The following IMMP2L variants were observed in gnomAD, a reference collection of about 807,000 sequenced individuals.
IMMP2L encodes the protein mitochondrial inner membrane protease subunit 2.
Under a neutral mutation model 19.3 loss-of-function variants are expected in IMMP2L, and 18 were observed. The observed-to-expected ratio is 0.93, with a 90% confidence interval of 0.64 to 1.38. The LOEUF (loss-of-function observed/expected upper bound fraction) is 1.38. Ranked by LOEUF, IMMP2L falls within the 40% of genes most tolerant of loss-of-function variation. The pLI is 0.00. For missense variants in IMMP2L, 233 were observed against 218.2 expected (o/e 1.07, Z -0.43); for synonymous variants, 76 against 73.0 (o/e 1.04, Z -0.21).
At chr7:110,741,302 A>C (rs1796974887) in intron 5 of IMMP2L, among the ~76,000 whole-genome samples, 1 of 152,246 alleles carries the variant, frequency 6.6e-6, no homozygotes, top group Non-Finnish European at 1.5e-5. Flanking sequence ...TGAAATAAAA[A>C]ATAATAAAAT....
chr7:110,800,291 T>C (rs914108114), intron 5 of IMMP2L, among the ~76,000 whole-genome samples: 1 of 151,904 alleles, frequency 6.6e-6, no homozygotes, highest in South Asian at 2.1e-4. Flanking sequence ...TGAGAATGAA[T>C]GACAATACAG....
At chr7:110,835,440 T>C (rs2131406375) in intron 5 of IMMP2L, among the ~76,000 whole-genome samples, 1 of 152,268 alleles carries the variant, frequency 6.6e-6, no homozygotes, top group East Asian at 1.9e-4. Flanking sequence ...CTTGGAAAGC[T>C]GCCAAGAAGG....
intron 3 of IMMP2L, among the ~76,000 whole-genome samples, chr7:111,447,704 A>C (rs894449708): frequency 6.6e-6 from 1 of 151,810 alleles, no homozygotes; most frequent in Non-Finnish European, 1.5e-5. Context: ...TTCACACATA[A>C]CAATATTAAC....
At chr7:111,156,385 T>A (rs549209112) in intron 3 of IMMP2L, among the ~76,000 whole-genome samples, 1 of 152,170 alleles carries the variant, frequency 6.6e-6, no homozygotes, top group Non-Finnish European at 1.5e-5. Context: ...TACTTTACTT[T>A]CTAAATATTA....
chr7:111,443,779 G>C (rs1008467755), intron 3 of IMMP2L, among the ~76,000 whole-genome samples: 3 of 152,064 alleles, frequency 2.0e-5, no homozygotes, highest in South Asian at 2.1e-4. Flanking sequence ...GGATCACTAA[G>C]TATCTTTAAA....
chr7:110,937,962 T>C (rs1365009811), intron 4 of IMMP2L, among the ~76,000 whole-genome samples: 1 of 152,286 alleles, frequency 6.6e-6, no homozygotes, highest in African/African-American at 2.4e-5. Flanking sequence ...TCATATGAAG[T>C]GGCCTCTGTT....
In IMMP2L at chr7:110,757,127, G is replaced by A. The variant is rs533986203; in HGVS notation, c.409-93406C>T. Among the ~76,000 whole-genome samples the A allele has an allele frequency of 6.6e-6, 1 of 152,096 alleles. No homozygotes were observed. Among genetic ancestry groups the A allele is most frequent in the African/African-American group, 2.4e-5 (1 of 41,516 alleles). ...ATAAGTTAAATGATATAGCATGTTA[G>A]TTAGATTGAAATACGCGTAATGGAG... On this transcript the variant is annotated intron_variant, in intron 5 of 5. Coordinates refer to ENST00000405709, the MANE Select transcript of IMMP2L (RefSeq NM_032549.4). The surrounding 1 kb of genome is among the most constrained non-coding windows in gnomAD (Gnocchi z 4.2).
At chr7:111,528,450 T>G (rs1327930380) in intron 1 of IMMP2L, among the ~76,000 whole-genome samples, 2 of 152,208 alleles carry the variant, frequency 1.3e-5, no homozygotes, top group East Asian at 3.8e-4. Flanking sequence ...ATTGTTGAAG[T>G]GCTTAAACTG....
intron 2 of IMMP2L, among the ~76,000 whole-genome samples, chr7:111,491,172 CT>C (rs747647318): frequency 6.6e-6 from 1 of 152,090 alleles, no homozygotes; most frequent in Non-Finnish European, 1.5e-5. Context: ...ATAACATTTT[CT>C]TTTCCCTATC....
intron 5 of IMMP2L, among the ~76,000 whole-genome samples, chr7:110,886,000 C>A (rs548021508): frequency 6.6e-6 from 1 of 151,954 alleles, no homozygotes; most frequent in African/African-American, 2.4e-5. Context: ...AAAGTATGTA[C>A]GTTTTTCCAC....
chr7:111,054,414 A>C (rs1793302133), intron 3 of IMMP2L, among the ~76,000 whole-genome samples: 1 of 152,222 alleles, frequency 6.6e-6, no homozygotes, highest in Admixed American at 6.5e-5. Flanking sequence ...GGCACACCAA[A>C]TGGCCCAATT....
At chr7:110,963,935 C>T (rs1290633457) in intron 3 of IMMP2L, among the ~76,000 whole-genome samples, 1 of 150,132 alleles carries the variant, frequency 6.7e-6, no homozygotes, top group Non-Finnish European at 1.5e-5. Flanking sequence ...ATTGTAATCC[C>T]CATGTGTAGA....
intron 3 of IMMP2L, among the ~76,000 whole-genome samples, chr7:111,089,598 C>A (rs546342209): frequency 1.3e-5 from 2 of 152,130 alleles, no homozygotes; most frequent in South Asian, 4.1e-4. Flanking sequence ...TACTCTAACA[C>A]AACATCCCAA....
At chr7:110,789,301 A>T (rs1800303469) in intron 5 of IMMP2L, among the ~76,000 whole-genome samples, 1 of 151,794 alleles carries the variant, frequency 6.6e-6, no homozygotes, top group African/African-American at 2.4e-5. Context: ...TGGCTGTTTT[A>T]TGACACTAAG....
rs1554496351 is a variant in IMMP2L, at chr7:111,031,381, G to GGT, written c.240-67818_240-67817dup. On this transcript the variant is annotated intron_variant, in intron 3 of 5. Coordinates refer to ENST00000405709, the MANE Select transcript of IMMP2L (RefSeq NM_032549.4). Reference sequence around the variant, plus strand: ...AGTGCTAGAAAATAAGGGGTGTAGGGGTGTGTGTGTGTGTGTGTGTGTGTG... The same window carrying GGT: ...AGTGCTAGAAAATAAGGGGTGTAGGGGTGTGTGTGTGTGTGTGTGTGTGTGTG... Among the ~76,000 whole-genome samples the GGT allele has an allele frequency of 4.6e-3, 331 of 72,528 alleles. 1 individual carries two copies. The highest frequency in any genetic ancestry group is 0.018 in the East Asian group (73 of 4,120). 47.6% of individuals were successfully genotyped at this position (72,528 alleles called of 152,430 possible). A position where few individuals can be genotyped will look rare whatever the true frequency, so the allele number is the denominator to read the frequency against.
rs1291921190 is a variant in IMMP2L at position 111,469,836 on chromosome 7, A to G, written c.239+17402T>C. 8.5e-5 allele frequency among the ~76,000 whole-genome samples: 13 copies of G among 152,212 alleles called. No individual in the cohort carries two copies. The South Asian group carries it at 2.5e-3, about 29-fold the overall frequency. On this transcript the variant is annotated intron_variant, in intron 3 of 5. Coordinates refer to ENST00000405709, the MANE Select transcript of IMMP2L (RefSeq NM_032549.4). Reference sequence around the variant, plus strand: ...TGGGCAAGGACTTCATGTCTAAAACACCAAAAGCAATGGCAACAAAAGCCA... The same window carrying G: ...TGGGCAAGGACTTCATGTCTAAAACGCCAAAAGCAATGGCAACAAAAGCCA...
intron 3 of IMMP2L, among the ~76,000 whole-genome samples, chr7:111,070,153 GTAAAGTA>G (rs1340183106): frequency 5.3e-5 from 8 of 152,074 alleles, no homozygotes; most frequent in East Asian, 1.9e-4. Flanking sequence ...TATGTAAAGC[GTAAAGTA>G]TAAAGTCCAA....
At chr7:111,478,385 T>A (rs1585268373) in intron 3 of IMMP2L, among the ~76,000 whole-genome samples, 1 of 152,082 alleles carries the variant, frequency 6.6e-6, no homozygotes, top group Admixed American at 6.6e-5. Flanking sequence ...AAAAAAATAT[T>A]GATCATAATT....
chr7:111,332,115 A>AT (rs1825940774), intron 3 of IMMP2L, among the ~76,000 whole-genome samples: 1 of 151,946 alleles, frequency 6.6e-6, no homozygotes, highest in African/African-American at 2.4e-5. Flanking sequence ...AAGAATATCA[A>AT]TAACAGCCGA....
Sources: allele counts gnomAD v4.1 joint callset (sites outside exome capture counted in the v4.1 genomes callset), GRCh38; gene constraint gnomAD v4.1.1; non-coding constraint Gnocchi (gnomAD v3.1); transcripts MANE v1.5; gene names NCBI Gene and HGNC (gene_info 2026-07-23, HGNC 2026-07-21).